L3MBTL4: variants seen among roughly 807,000 people sequenced by gnomAD.
L3MBTL4 encodes the protein L3MBTL histone methyl-lysine binding protein 4, also known as lethal(3)malignant brain tumor-like protein 4.
In L3MBTL4, 70 loss-of-function variants were observed where a neutral mutation model predicts 84.5. That is an observed-to-expected ratio of 0.83 (90% CI 0.68 to 1.01). The LOEUF (loss-of-function observed/expected upper bound fraction) is 1.01. Ranked by LOEUF, L3MBTL4 falls within the 50% of genes least tolerant of loss-of-function variation. L3MBTL4 has a pLI of 0.00. For synonymous variants in L3MBTL4, 274 were observed against 259.8 expected, an observed-to-expected ratio of 1.05 and a Z score of -0.52; for missense variants, 715 against 754.8, an observed-to-expected ratio of 0.95 and a Z score of 0.62.
intron 16 of L3MBTL4, among the ~76,000 whole-genome samples, chr18:6,070,298 A>T (rs191674039): frequency 9.7e-4 from 147 of 152,302 alleles, no homozygotes; most frequent in South Asian, 2.1e-3. Context: ...ATCAGATAAA[A>T]TGTGACACAC....
intron 1 of L3MBTL4, among the ~76,000 whole-genome samples, chr18:6,393,088 AT>A: frequency 6.6e-6 from 1 of 151,976 alleles, no homozygotes; most frequent in South Asian, 2.1e-4. Flanking sequence ...AAAAAAAAAA[AT>A]TTTAACTATA....
intron 10 of L3MBTL4, among the ~76,000 whole-genome samples, chr18:6,227,731 A>G (rs1331482717): frequency 6.6e-6 from 1 of 152,164 alleles, no homozygotes; most frequent in Non-Finnish European, 1.5e-5. Context: ...CTGCAAGGAA[A>G]TCAAATCATA....
At chr18:6,223,277 C>T (rs2046637228) in intron 10 of L3MBTL4, among the ~76,000 whole-genome samples, 1 of 152,088 alleles carries the variant, frequency 6.6e-6, no homozygotes, top group Non-Finnish European at 1.5e-5. Context: ...TAAACACATA[C>T]TTTTAGCTGT....
At chr18:6,334,928 C>A (rs954507128) in intron 1 of L3MBTL4, among the ~76,000 whole-genome samples, 1 of 151,910 alleles carries the variant, frequency 6.6e-6, no homozygotes, top group Non-Finnish European at 1.5e-5. Flanking sequence ...CCTTTATATA[C>A]GTCCAAAATC....
chr18:6,047,910 T>C (rs533515585), intron 16 of L3MBTL4, among the ~76,000 whole-genome samples: 114 of 152,160 alleles, frequency 7.5e-4, no homozygotes, highest in Non-Finnish European at 1.4e-3. Flanking sequence ...GCCAGAGCAA[T>C]CAGGCAAGAG....
At chr18:6,194,613 T>C (rs1331852961) in intron 12 of L3MBTL4, among the ~76,000 whole-genome samples, 1 of 152,180 alleles carries the variant, frequency 6.6e-6, no homozygotes, top group Non-Finnish European at 1.5e-5. Flanking sequence ...AACAGAAAGT[T>C]CCCCTTCTCC....
At chr18:5,987,632 T>A (rs576737117) in intron 16 of L3MBTL4, among the ~76,000 whole-genome samples, 5 of 152,374 alleles carry the variant, frequency 3.3e-5, no homozygotes, top group African/African-American at 9.6e-5. Context: ...CTTTGATATA[T>A]CTTTCTCAAT....
In L3MBTL4 at chr18:5,956,039, G is replaced by C. The variant is rs779314620; in HGVS notation, c.*181C>G. 17 of 592,406 alleles carry C rather than the reference G, an allele frequency of 2.9e-5. No homozygotes were observed. Among genetic ancestry groups the C allele is most frequent in the Non-Finnish European group, 5.0e-5 (17 of 339,442 alleles). 36.7% of individuals were successfully genotyped at this position (592,406 alleles called of 1,614,324 possible). Reference sequence around the variant, plus strand: ...CCCACAGATGGGCCTAAGCCTCTGAGTCATTGGCACTGGACCAGTCATCAA... The same window carrying C: ...CCCACAGATGGGCCTAAGCCTCTGACTCATTGGCACTGGACCAGTCATCAA... On this transcript the variant is annotated 3_prime_UTR_variant, in exon 19 of 19. Transcript: ENST00000317931.
At chr18:6,054,213 A>AT (rs1454496347) in intron 16 of L3MBTL4, among the ~76,000 whole-genome samples, 2 of 151,488 alleles carry the variant, frequency 1.3e-5, no homozygotes, top group South Asian at 2.1e-4. Context: ...CATCGTCACA[A>AT]TTTTTTTTTC....
intron 12 of L3MBTL4, among the ~76,000 whole-genome samples, chr18:6,206,498 G>A (rs920789674): frequency 2.0e-5 from 3 of 152,164 alleles, no homozygotes; most frequent in Admixed American, 1.3e-4. Flanking sequence ...GGTACAGGGT[G>A]GGGGAGTTAT....
At chr18:6,199,961 C>A (rs1482134754) in intron 12 of L3MBTL4, among the ~76,000 whole-genome samples, 1 of 152,192 alleles carries the variant, frequency 6.6e-6, no homozygotes, top group Admixed American at 6.5e-5. Flanking sequence ...AGCTGTCAGG[C>A]AGGACAGGCA....
chr18:6,213,258 C>T lies in L3MBTL4; in HGVS notation c.872G>A (p.Arg291Lys), dbSNP rs1204687689. Residue 291 changes from arginine to lysine, a missense_variant and splice_region_variant, in exon 12 of 19, where the codon AGG becomes AAG. By Grantham distance (26) the Arg-to-Lys change is conservative. Coordinates refer to ENST00000317931, the MANE Select transcript of L3MBTL4 (RefSeq NM_001330559.2). Reference protein sequence around the residue: ...NAVPAKVFKMRLPHGFLPNMK... With the variant: ...NAVPAKVFKMKLPHGFLPNMK... ...ATTTGGCAGAAAACCATGAGGCAAC[C>T]TCTGTAAATGTTATTATAAGTACAA... 1.3e-6 allele frequency: 2 copies of T among 1,569,666 alleles called. No homozygotes were observed. The highest frequency in any genetic ancestry group is 1.7e-6 in the Non-Finnish European group (2 of 1,147,210).
chr18:6,015,285 C>T (rs529312770), intron 16 of L3MBTL4, among the ~76,000 whole-genome samples: 18 of 151,986 alleles, frequency 1.2e-4, no homozygotes, highest in Non-Finnish European at 4.4e-5. Context: ...TTTTGAGTTA[C>T]GGAGTCCAAG....
chr18:6,285,112 C>T (rs549511437), intron 4 of L3MBTL4, among the ~76,000 whole-genome samples: 5 of 152,322 alleles, frequency 3.3e-5, no homozygotes, highest in Admixed American at 6.5e-5. Context: ...CCACTCAGGG[C>T]GAGGAGGCGT....
At chr18:6,294,953 C>T (rs550287922) in intron 4 of L3MBTL4, among the ~76,000 whole-genome samples, 14 of 152,172 alleles carry the variant, frequency 9.2e-5, no homozygotes, top group South Asian at 6.2e-4. Context: ...TGAATTCCTC[C>T]GGCACATAAA....
intron 16 of L3MBTL4, chr18:6,031,575 C>T (rs1001639441): frequency 2.1e-6 from 2 of 942,856 alleles, no homozygotes; most frequent in African/African-American, 1.8e-5. Context: ...CAGCAGGGCT[C>T]ATTCACATGT....
chr18:6,215,955 C>T (rs1054814195), intron 10 of L3MBTL4, 120 bp from the exon 11 acceptor site: 3 of 530,986 alleles, frequency 5.6e-6, no homozygotes, highest in East Asian at 3.0e-5. Context: ...ATTAAACAGA[C>T]CTGATGCTAA....
intron 15 of L3MBTL4, 129 bp from the exon 16 acceptor site, chr18:6,081,080 C>A: frequency 1.7e-6 from 1 of 575,300 alleles, no homozygotes; most frequent in Non-Finnish European, 2.9e-6. Context: ...TTTTGCTGCA[C>A]AGAGCCTTGT....
intron 14 of L3MBTL4, among the ~76,000 whole-genome samples, chr18:6,123,210 A>G (rs566686696): frequency 2.6e-5 from 4 of 152,336 alleles, no homozygotes; most frequent in Non-Finnish European, 1.5e-5. Context: ...AAACAGTGAA[A>G]TGCACATAGA....
Sources: gnomAD v4.1 joint callset for allele counts (sites outside exome capture counted in the v4.1 genomes callset) on GRCh38, gnomAD v4.1.1 for gene constraint, MANE v1.5 for transcripts, NCBI Gene and HGNC (gene_info 2026-07-23, HGNC 2026-07-21) for gene names.